NAALADL2: variants seen among roughly 807,000 people sequenced by gnomAD.
NAALADL2 encodes N-acetylated alpha-linked acidic dipeptidase like 2.
NAALADL2 carries 76 observed loss-of-function variants against 87.2 expected under a neutral mutation model. The observed-to-expected ratio is 0.87, with a 90% CI of 0.72 to 1.05. The LOEUF (loss-of-function observed/expected upper bound fraction) is 1.05, where lower values mean the gene tolerates loss of function less well. Ranked by LOEUF, NAALADL2 falls within the 50% of genes least tolerant of loss-of-function variation. NAALADL2 has a pLI of 0.00. For synonymous variants in NAALADL2, 354 were observed against 331.0 expected (o/e 1.07, Z -0.75); for missense variants, 1,089 against 945.8 (o/e 1.15, Z -1.99).
intron 5 of NAALADL2, chr3:175,397,127 A>G (rs1407627170): frequency 6.6e-6 from 1 of 152,076 alleles, no homozygotes; most frequent in East Asian, 1.9e-4. Context: ...CAACAACAAC[A>G]ACAACAACAA....
chr3:175,479,867 A>G (rs1378188872), intron 9 of NAALADL2, among the ~76,000 whole-genome samples: 5 of 151,746 alleles, frequency 3.3e-5, no homozygotes, highest in African/African-American at 1.2e-4. Flanking sequence ...TCCTGAAAAA[A>G]CAGTTCTCCT....
chr3:174,855,894 A>G (rs932188477), upstream of NAALADL2, among the ~76,000 whole-genome samples: 3 of 142,392 alleles, frequency 2.1e-5, no homozygotes, highest in Non-Finnish European at 4.5e-5. Flanking sequence ...ATGAATATAT[A>G]TACACATAGA....
intron 3 of NAALADL2, among the ~76,000 whole-genome samples, chr3:175,250,142 C>T (rs1324572964): frequency 6.7e-6 from 1 of 150,202 alleles, no homozygotes; most frequent in Non-Finnish European, 1.5e-5. Flanking sequence ...GCACTCCAGC[C>T]TGGGCAACAA....
At chr3:175,400,853 C>T (rs900279003) in intron 5 of NAALADL2, among the ~76,000 whole-genome samples, 6 of 151,916 alleles carry the variant, frequency 3.9e-5, no homozygotes, top group African/African-American at 1.4e-4. Context: ...CAACAGAACT[C>T]TCCAAGCAGC....
chr3:175,418,870 T>C (rs1715152199), intron 5 of NAALADL2, among the ~76,000 whole-genome samples: 1 of 152,050 alleles, frequency 6.6e-6, no homozygotes. Flanking sequence ...TTTTAAAGTT[T>C]GTGTTGAGAC....
At chr3:174,885,327 A>G (rs770563135) in intron 1 of NAALADL2, among the ~76,000 whole-genome samples, 32 of 152,180 alleles carry the variant, frequency 2.1e-4, no homozygotes, top group Admixed American at 1.2e-3. Flanking sequence ...CAATTTTAGC[A>G]GATTTGAGGC....
chr3:174,828,903 G>A (rs1309834097), intron 3 of NAALADL2, among the ~76,000 whole-genome samples: 2 of 152,084 alleles, frequency 1.3e-5, no homozygotes, highest in African/African-American at 4.8e-5. Flanking sequence ...GATAAGGGAG[G>A]ATCACTGTGA....
At chr3:175,799,423 CATAT>C (rs921192124) in intron 13 of NAALADL2, among the ~76,000 whole-genome samples, 1 of 151,844 alleles carries the variant, frequency 6.6e-6, no homozygotes, top group Non-Finnish European at 1.5e-5. Flanking sequence ...TATATGAATA[CATAT>C]ATATATCCAT....
At chr3:175,636,697 A>G (rs1232082179) in intron 11 of NAALADL2, among the ~76,000 whole-genome samples, 1 of 124,768 alleles carries the variant, frequency 8.0e-6, no homozygotes, top group Non-Finnish European at 1.7e-5. Flanking sequence ...GACTCCATCT[A>G]AAAAAAAAAA....
At chr3:175,655,575 G>C (rs1288608004) in intron 11 of NAALADL2, 1 of 232,268 alleles carries the variant, frequency 4.3e-6, no homozygotes, top group Non-Finnish European at 9.1e-6. Context: ...CAAAGTCACT[G>C]TTGAAAATCG....
intron 2 of NAALADL2, among the ~76,000 whole-genome samples, chr3:174,674,805 G>A (rs1305776707): frequency 6.6e-6 from 1 of 151,712 alleles, no homozygotes; most frequent in African/African-American, 2.4e-5. Flanking sequence ...TCTACTCAAT[G>A]ACCTTCATAA....
At chr3:174,878,337 C>G (rs560173295) in intron 1 of NAALADL2, among the ~76,000 whole-genome samples, 38 of 152,070 alleles carry the variant, frequency 2.5e-4, no homozygotes, top group Non-Finnish European at 3.8e-4. Flanking sequence ...TTTTTCTCTA[C>G]CTCAATGAGT....
At chr3:174,639,402 C>T (rs1021538389) in intron 2 of NAALADL2, among the ~76,000 whole-genome samples, 2 of 152,130 alleles carry the variant, frequency 1.3e-5, no homozygotes, top group Non-Finnish European at 1.5e-5. Context: ...GGTGGCTAGA[C>T]CTCACTGTGG....
chr3:175,403,531 T>G (rs1711747523), intron 5 of NAALADL2, among the ~76,000 whole-genome samples: 1 of 152,112 alleles, frequency 6.6e-6, no homozygotes, highest in African/African-American at 2.4e-5. Flanking sequence ...TCGTATATTT[T>G]TTTTCTGTTT....
intron 6 of NAALADL2, among the ~76,000 whole-genome samples, chr3:175,451,986 C>T (rs1721646547): frequency 1.3e-5 from 2 of 152,052 alleles, no homozygotes; most frequent in African/African-American, 4.8e-5. Context: ...TTCTTGAGTA[C>T]AAATTTAAAA....
intron 2 of NAALADL2, among the ~76,000 whole-genome samples, chr3:174,649,090 A>C (rs1193731599): frequency 1.3e-5 from 2 of 152,052 alleles, no homozygotes; most frequent in Non-Finnish European, 2.9e-5. Context: ...CAGCCTCCCA[A>C]GTAGCTGGGA....
chr3:175,808,782 G>T lies in NAALADL2; in HGVS notation c.*5579G>T, dbSNP rs1030420523. 1.3e-5 allele frequency: 2 copies of T among 151,978 alleles called. No individual in the cohort carries two copies. Among genetic ancestry groups the T allele is most frequent in the African/African-American group, 4.8e-5 (2 of 41,380 alleles). The allele number at this position is 151,978 out of a possible 1,614,324, so 9.4% of individuals were successfully genotyped here. A position where few individuals can be genotyped will look rare whatever the true frequency, so the allele number is the denominator to read the frequency against. Reference sequence around the variant, plus strand: ...ATTATTATGTTGCATTGAAGTTAATGTCGGTCTTTTGTTCTAATTAAAGTA... The same window carrying T: ...ATTATTATGTTGCATTGAAGTTAATTTCGGTCTTTTGTTCTAATTAAAGTA... On this transcript the variant is annotated 3_prime_UTR_variant, in exon 14 of 14. Transcript: ENST00000454872.
chr3:175,035,936 T>G (rs1239453079), intron 1 of NAALADL2, among the ~76,000 whole-genome samples: 1 of 152,160 alleles, frequency 6.6e-6, no homozygotes, highest in Non-Finnish European at 1.5e-5. Context: ...TAAGATTTTC[T>G]TACTAAAATT....
chr3:174,654,325 T>C (rs1407186187), intron 2 of NAALADL2, among the ~76,000 whole-genome samples: 1 of 152,148 alleles, frequency 6.6e-6, no homozygotes, highest in African/African-American at 2.4e-5. Flanking sequence ...TTCAAAGCTG[T>C]CTCTTATTTC....
Sources: allele counts gnomAD v4.1 joint callset (sites outside exome capture counted in the v4.1 genomes callset), GRCh38; gene constraint gnomAD v4.1.1; transcripts MANE v1.5; gene names NCBI Gene and HGNC (gene_info 2026-07-23, HGNC 2026-07-21).